Variants in MACROD2 observed in about 807,000 individuals in gnomAD.
The protein encoded by MACROD2 is ADP-ribose glycohydrolase MACROD2.
Under a neutral mutation model 70.4 loss-of-function variants are expected in MACROD2, and 36 were observed. The ratio of observed to expected loss-of-function variants is 0.51; its 90% confidence interval spans 0.39 to 0.68. MACROD2 has a LOEUF of 0.68. Ranked by LOEUF, MACROD2 falls within the 30% of genes least tolerant of loss-of-function variation. The probability of loss-of-function intolerance (pLI) is 0.00; values close to 1 mark genes in which losing one functional copy is unlikely to be tolerated. For synonymous variants in MACROD2, 172 were observed against 178.8 expected, an observed-to-expected ratio of 0.96 and a Z score of 0.30; for missense variants, 496 against 538.4, an observed-to-expected ratio of 0.92 and a Z score of 0.78.
intron 5 of MACROD2, among the ~76,000 whole-genome samples, chr20:15,119,215 C>T (rs770799176): frequency 1.4e-4 from 22 of 152,176 alleles, no homozygotes; most frequent in Admixed American, 5.2e-4. Flanking sequence ...CAGCTTACTT[C>T]GTAAGTTTTG....
intron 2 of MACROD2, among the ~76,000 whole-genome samples, chr20:14,069,316 T>G (rs2053808736): frequency 6.6e-6 from 1 of 152,170 alleles, no homozygotes; most frequent in Non-Finnish European, 1.5e-5. Flanking sequence ...ACATTACAAC[T>G]TAGATTTCCT....
intron 5 of MACROD2, chr20:14,893,166 T>C (rs2040328873): frequency 1.3e-5 from 2 of 152,202 alleles, no homozygotes; most frequent in Admixed American, 1.3e-4. Flanking sequence ...TCTTTGTATG[T>C]ATATACCACA....
At chr20:15,764,629 G>C (rs1048890238) in intron 8 of MACROD2, among the ~76,000 whole-genome samples, 4 of 152,028 alleles carry the variant, frequency 2.6e-5, no homozygotes, top group Non-Finnish European at 5.9e-5. Context: ...GTCTTCTTCC[G>C]ATGCCACCAC....
At chr20:14,751,305 C>G (rs780890338) in intron 5 of MACROD2, among the ~76,000 whole-genome samples, 2 of 128,504 alleles carry the variant, frequency 1.6e-5, no homozygotes, top group Non-Finnish European at 3.6e-5. Flanking sequence ...CTTGAGTATT[C>G]AGTTCCTCCC....
At chr20:14,598,796 A>G (rs866586808) in intron 4 of MACROD2, among the ~76,000 whole-genome samples, 1 of 152,154 alleles carries the variant, frequency 6.6e-6, no homozygotes, top group South Asian at 2.1e-4. Flanking sequence ...ATTTCACATT[A>G]TATGTGTTCT....
intron 8 of MACROD2, among the ~76,000 whole-genome samples, chr20:15,759,540 T>C (rs901780177): frequency 2.0e-5 from 3 of 152,158 alleles, no homozygotes; most frequent in Non-Finnish European, 2.9e-5. Context: ...AGATAGATAC[T>C]GGAAATGCCT....
At chr20:14,570,239 C>T (rs530814337) in intron 4 of MACROD2, among the ~76,000 whole-genome samples, 1 of 152,128 alleles carries the variant, frequency 6.6e-6, no homozygotes, top group East Asian at 1.9e-4. Flanking sequence ...TGAAAGAAAC[C>T]ACTGGATACC....
At chr20:15,634,291 T>C (rs968135706) in intron 8 of MACROD2, among the ~76,000 whole-genome samples, 1 of 152,222 alleles carries the variant, frequency 6.6e-6, no homozygotes, top group Non-Finnish European at 1.5e-5. Context: ...TGTTTCCATA[T>C]GCTTATTATA....
At chr20:15,994,580 A>G (rs1202632229) in intron 15 of MACROD2, among the ~76,000 whole-genome samples, 3 of 152,212 alleles carry the variant, frequency 2.0e-5, no homozygotes, top group African/African-American at 7.2e-5. Context: ...TTATTACACA[A>G]TATTGTCCTC....
chr20:14,229,277 C>T lies in MACROD2; in HGVS notation c.271+143549C>T, dbSNP rs535963557. On this transcript the variant is annotated intron_variant, in intron 3 of 17. Coordinates refer to ENST00000684519, the MANE Select transcript of MACROD2 (RefSeq NM_001351661.2). ...TTTGTGAAAGACACTGTTAAGAGAA[C>T]GAAAAGACAAGCCACAGGCTGGGAG... Among the ~76,000 whole-genome samples the T allele has an allele frequency of 3.2e-3, 486 of 152,118 alleles. 4 individuals are homozygous for T. Among genetic ancestry groups the T allele is most frequent in the African/African-American group, 0.011 (457 of 41,516 alleles).
intron 5 of MACROD2, among the ~76,000 whole-genome samples, chr20:15,057,445 T>C (rs2075495616): frequency 6.6e-6 from 1 of 152,206 alleles, no homozygotes; most frequent in Admixed American, 6.5e-5. Flanking sequence ...TTCTGGTTTA[T>C]GTGGCTTGTT....
At chr20:15,158,042 C>A (rs1453500835) in intron 5 of MACROD2, among the ~76,000 whole-genome samples, 4 of 152,108 alleles carry the variant, frequency 2.6e-5, no homozygotes, top group African/African-American at 9.7e-5. Context: ...CCACCCCTCC[C>A]ATTAGCAACA....
chr20:14,417,020 A>G (rs1460347540), intron 3 of MACROD2, among the ~76,000 whole-genome samples: 2 of 152,092 alleles, frequency 1.3e-5, no homozygotes, highest in African/African-American at 4.8e-5. Flanking sequence ...CCACACACAC[A>G]CGCTATCTAT....
intron 5 of MACROD2, among the ~76,000 whole-genome samples, chr20:14,718,506 G>C (rs985649154): frequency 1.3e-5 from 2 of 151,948 alleles, no homozygotes; most frequent in Non-Finnish European, 2.9e-5. Context: ...CTCATATACA[G>C]TGTGTTTCCA....
chr20:15,319,805 T>C (rs534963331), intron 6 of MACROD2, among the ~76,000 whole-genome samples: 3 of 152,336 alleles, frequency 2.0e-5, no homozygotes, highest in African/African-American at 7.2e-5. Context: ...GAACATGCTA[T>C]ACTGTGGGTG....
At chr20:14,817,776 A>G (rs1411369849) in intron 5 of MACROD2, among the ~76,000 whole-genome samples, 1 of 152,194 alleles carries the variant, frequency 6.6e-6, no homozygotes. Flanking sequence ...CAACGGAGGT[A>G]GGATATTTAT....
chr20:14,903,190 T>G (rs1038443753), intron 5 of MACROD2, among the ~76,000 whole-genome samples: 1 of 151,862 alleles, frequency 6.6e-6, no homozygotes, highest in Non-Finnish European at 1.5e-5. Context: ...TACAGGTGCC[T>G]GCCACCATGC....
chr20:14,605,922 T>G (rs1376384750), intron 4 of MACROD2, among the ~76,000 whole-genome samples: 2 of 152,182 alleles, frequency 1.3e-5, no homozygotes, highest in Non-Finnish European at 2.9e-5. Flanking sequence ...TAAATGTAAT[T>G]ATACGTGTAA....
At chr20:14,160,571 C>G (rs1410217376) in intron 3 of MACROD2, among the ~76,000 whole-genome samples, 5 of 151,950 alleles carry the variant, frequency 3.3e-5, no homozygotes. Context: ...GTTGTAATGT[C>G]TCCTTTTTCA....
Sources: gnomAD v4.1 joint callset for allele counts (sites outside exome capture counted in the v4.1 genomes callset) on GRCh38, gnomAD v4.1.1 for gene constraint, MANE v1.5 for transcripts, NCBI Gene and HGNC (gene_info 2026-07-23, HGNC 2026-07-21) for gene names.